WDR20: variants seen among roughly 807,000 people sequenced by gnomAD.
WDR20 encodes WD repeat-containing protein 20.
Under a neutral mutation model 38.7 loss-of-function variants are expected in WDR20, and 3 were observed. The observed-to-expected ratio is 0.08, with a 90% CI of 0.04 to 0.20. The LOEUF (loss-of-function observed/expected upper bound fraction) is 0.20, where lower values mean the gene tolerates loss of function less well. Among genes scored for constraint, WDR20 ranks in the 10% least tolerant of loss-of-function variants. The pLI is 1.00. For synonymous variants in WDR20, 298 were observed against 285.6 expected, an observed-to-expected ratio of 1.04 and a Z score of -0.44; for missense variants, 559 against 727.7, an observed-to-expected ratio of 0.77 and a Z score of 2.67.
At chr14:102,188,600 A>G (rs1291803930) in intron 1 of WDR20, among the ~76,000 whole-genome samples, 1 of 152,034 alleles carries the variant, frequency 6.6e-6, no homozygotes, top group Non-Finnish European at 1.5e-5. Context: ...AGGCATGGTG[A>G]CTTACATCTG....
intron 2 of WDR20, among the ~76,000 whole-genome samples, chr14:102,206,269 G>A (rs1484869697): frequency 6.6e-6 from 1 of 152,230 alleles, no homozygotes; most frequent in Non-Finnish European, 1.5e-5. Flanking sequence ...TTACAGGCGT[G>A]AGCCGCCGCG....
At chr14:102,151,224 C>T (rs1194641280) in intron 1 of WDR20, among the ~76,000 whole-genome samples, 2 of 135,482 alleles carry the variant, frequency 1.5e-5, no homozygotes, top group Non-Finnish European at 3.0e-5. Flanking sequence ...GTAGTGTGTC[C>T]ACGGATAATG....
chr14:102,224,660 T>C (rs960192523), downstream of WDR20: 4 of 455,922 alleles, frequency 8.8e-6, no homozygotes, highest in Non-Finnish European at 1.3e-5. Context: ...CACGGAAAAC[T>C]TCACATCAGC....
chr14:102,199,993 G>C (rs2060025822), intron 2 of WDR20, among the ~76,000 whole-genome samples: 1 of 152,204 alleles, frequency 6.6e-6, no homozygotes, highest in African/African-American at 2.4e-5. Flanking sequence ...ACCTTCCATT[G>C]GGGGTGAAGG....
At chr14:102,139,584 C>G, upstream of WDR20, 1 of 703,712 alleles carries the variant, frequency 1.4e-6, no homozygotes, top group South Asian at 2.0e-5. Context: ...TCCCCCTGAC[C>G]GGCTTTCCGC....
chr14:102,199,815 C>T (rs545237877), intron 2 of WDR20, among the ~76,000 whole-genome samples: 1 of 152,270 alleles, frequency 6.6e-6, no homozygotes, highest in East Asian at 1.9e-4. Context: ...AGATGATTTT[C>T]CCCCTGTCAA....
At chr14:102,177,235 A>G (rs986821057) in intron 1 of WDR20, among the ~76,000 whole-genome samples, 1 of 152,210 alleles carries the variant, frequency 6.6e-6, no homozygotes, top group Non-Finnish European at 1.5e-5. Context: ...ACACTTGTTT[A>G]TCTATTTGTC....
chr14:102,210,038 A>T lies in WDR20; in HGVS notation c.*158A>T. On this transcript the variant is annotated 3_prime_UTR_variant, in exon 3 of 3. Coordinates refer to ENST00000342702, the MANE Select transcript of WDR20 (RefSeq NM_144574.4). ...GGATACTGCATGCCATGTAATTCTG[A>T]ATCATTTGATAATTTACCTTAGAGC... 1 of 1,411,860 alleles carries T rather than the reference A, an allele frequency of 7.1e-7. No homozygotes were observed. 87.5% of individuals were successfully genotyped at this position (1,411,860 alleles called of 1,614,324 possible).
chr14:102,186,544 C>G (rs887965736), intron 1 of WDR20, among the ~76,000 whole-genome samples: 1 of 152,142 alleles, frequency 6.6e-6, no homozygotes, highest in African/African-American at 2.4e-5. Flanking sequence ...CCCCACAACA[C>G]CCCCCTCCGG....
downstream of WDR20, among the ~76,000 whole-genome samples, chr14:102,216,315 T>A (rs2063214345): frequency 6.6e-6 from 1 of 152,198 alleles, no homozygotes; most frequent in Non-Finnish European, 1.5e-5. Flanking sequence ...ACAGGGCGTT[T>A]TGGTTTGTGT....
At chr14:102,172,804 A>G (rs1215187151) in intron 1 of WDR20, among the ~76,000 whole-genome samples, 2 of 147,516 alleles carry the variant, frequency 1.4e-5, no homozygotes, top group African/African-American at 2.5e-5. Context: ...GGGGCTCCTC[A>G]CTTCTCAGAC....
chr14:102,174,906 A>G (rs1307297142), intron 1 of WDR20, among the ~76,000 whole-genome samples: 1 of 151,910 alleles, frequency 6.6e-6, no homozygotes, highest in Non-Finnish European at 1.5e-5. Context: ...GATTATTATT[A>G]TTAATTATTT....
intron 1 of WDR20, chr14:102,157,453 T>C (rs560761568): frequency 6.6e-6 from 1 of 152,274 alleles, no homozygotes; most frequent in African/African-American, 2.4e-5. Flanking sequence ...CACTCAGCAG[T>C]TGCTCATCTA....
intron 1 of WDR20, among the ~76,000 whole-genome samples, chr14:102,193,010 AAG>A (rs2058772336): frequency 6.6e-6 from 1 of 152,180 alleles, no homozygotes; most frequent in Non-Finnish European, 1.5e-5. Context: ...AAAAAAAAAA[AAG>A]TCTCAAGAGT....
chr14:102,162,905 C>CCAGG (rs2059047909), intron 1 of WDR20, among the ~76,000 whole-genome samples: 1 of 152,186 alleles, frequency 6.6e-6, no homozygotes, highest in Non-Finnish European at 1.5e-5. Flanking sequence ...AGCCACCTTG[C>CCAGG]CAGGCCCTTA....
chr14:102,161,029 TCACATGTATGATAAATTTC>T (rs1279175798), intron 1 of WDR20, among the ~76,000 whole-genome samples: 15 of 141,226 alleles, frequency 1.1e-4, no homozygotes, highest in East Asian at 2.1e-4. Context: ...GATCATTTCC[TCACATGTATGATAAATTTC>T]CACATGTATG....
chr14:102,202,261 C>T (rs2060541569), intron 2 of WDR20, among the ~76,000 whole-genome samples: 1 of 152,008 alleles, frequency 6.6e-6, no homozygotes, highest in Non-Finnish European at 1.5e-5. Context: ...AGGCTCTGGC[C>T]TCCTGTGGCA....
intron 1 of WDR20, among the ~76,000 whole-genome samples, chr14:102,144,351 G>T (rs1176060557): frequency 4.6e-5 from 7 of 151,694 alleles, no homozygotes; most frequent in Non-Finnish European, 1.0e-4. Context: ...GCGTGGTGGT[G>T]CTTGCCTATA....
intron 1 of WDR20, among the ~76,000 whole-genome samples, chr14:102,183,267 A>G (rs1321216566): frequency 6.6e-6 from 1 of 152,200 alleles, no homozygotes; most frequent in African/African-American, 2.4e-5. Context: ...CTGTTACCCA[A>G]ATTGATTTGA....
Sources: gnomAD v4.1 joint callset for allele counts (sites outside exome capture counted in the v4.1 genomes callset) on GRCh38, gnomAD v4.1.1 for gene constraint, MANE v1.5 for transcripts, NCBI Gene and HGNC (gene_info 2026-07-23, HGNC 2026-07-21) for gene names.